Variants in LY96 observed in about 807,000 individuals in gnomAD.
LY96 encodes the protein myeloid differentiation protein-2.
A neutral mutation model predicts 18.9 loss-of-function variants in LY96; 18 were observed. That is an observed-to-expected ratio of 0.95 (90% CI 0.66 to 1.41). The LOEUF (loss-of-function observed/expected upper bound fraction) is 1.41, where lower values mean the gene tolerates loss of function less well. Among genes scored for constraint, LY96 ranks in the 40% most tolerant of loss-of-function variants. The pLI is 0.00. For synonymous variants in LY96, 66 were observed against 62.6 expected, an observed-to-expected ratio of 1.06 and a Z score of -0.26; for missense variants, 175 against 182.4, an observed-to-expected ratio of 0.96 and a Z score of 0.23.
chr8:74,009,974 G>A (rs1470087797), intron 2 of LY96, 27 bp from the exon 3 acceptor site: 4 of 1,538,504 alleles, frequency 2.6e-6, no homozygotes, highest in East Asian at 2.3e-5. Flanking sequence ...ACTATTTGAG[G>A]GCCTAATGGG....
the LY96 span, among the ~76,000 whole-genome samples, chr8:74,069,715 C>T: frequency 5.3e-5 from 8 of 152,090 alleles, no homozygotes; most frequent in Middle Eastern, 3.4e-3. Flanking sequence ...CGATTCTCCC[C>T]TCTCAGCCTC....
the LY96 span, among the ~76,000 whole-genome samples, chr8:74,081,940 G>C: frequency 2.6e-5 from 4 of 152,198 alleles, no homozygotes; most frequent in Non-Finnish European, 5.9e-5. Flanking sequence ...CTAGCCCTTG[G>C]CTGGTGTTTC....
chr8:74,058,981 A>G, the LY96 span, among the ~76,000 whole-genome samples: 2 of 152,214 alleles, frequency 1.3e-5, no homozygotes, highest in African/African-American at 4.8e-5. Flanking sequence ...CAGCTCAAGC[A>G]GTCAAGCAGA....
At chr8:74,042,338 T>A in the LY96 span, among the ~76,000 whole-genome samples, 16 of 152,108 alleles carry the variant, frequency 1.1e-4, no homozygotes, top group Non-Finnish European at 1.6e-4. Context: ...CTGGCCAACA[T>A]GGTGAAACCC....
chr8:74,016,380 C>G (rs147505374), intron 3 of LY96, among the ~76,000 whole-genome samples: 2,521 of 152,324 alleles, frequency 0.017, 69 homozygotes, highest in African/African-American at 0.058. Flanking sequence ...GGGTGGAGCC[C>G]ACCACAGCTC....
chr8:74,001,314 C>T (rs1816261972), intron 1 of LY96, among the ~76,000 whole-genome samples: 1 of 151,534 alleles, frequency 6.6e-6, no homozygotes, highest in African/African-American at 2.4e-5. Flanking sequence ...ACCTCCACCT[C>T]CTGGGTCTGA....
intron 1 of LY96, among the ~76,000 whole-genome samples, chr8:74,003,970 C>T (rs1002349041): frequency 2.0e-5 from 3 of 152,062 alleles, no homozygotes; most frequent in African/African-American, 7.2e-5. Context: ...CCACCTATTC[C>T]ATACTGAGCC....
chr8:74,069,998 G>T, the LY96 span, among the ~76,000 whole-genome samples: 1 of 152,126 alleles, frequency 6.6e-6, no homozygotes, highest in Non-Finnish European at 1.5e-5. Flanking sequence ...TTCTTAGTTG[G>T]CATTCTTCTG....
chr8:74,075,575 GTGGCTTATTT>G, the LY96 span, among the ~76,000 whole-genome samples: 4 of 152,258 alleles, frequency 2.6e-5, no homozygotes, highest in Admixed American at 2.0e-4. Flanking sequence ...CTGGCTTATT[GTGGCTTATTT>G]TGGTGACACC....
the LY96 span, among the ~76,000 whole-genome samples, chr8:74,066,580 GA>G: frequency 1.3e-5 from 2 of 152,120 alleles, no homozygotes; most frequent in Non-Finnish European, 2.9e-5. Context: ...AAATAAAGCT[GA>G]AAAAATAGGT....
At chr8:74,029,130 G>A (rs1013121859), downstream of LY96, 2 of 787,896 alleles carry the variant, frequency 2.5e-6, no homozygotes, top group African/African-American at 1.7e-5. Context: ...GTTTTAATCA[G>A]ATATGGTAGG....
chr8:74,033,280 T>G (rs140910044), downstream of LY96, among the ~76,000 whole-genome samples: 2,178 of 152,002 alleles, frequency 0.014, 33 homozygotes, highest in Non-Finnish European at 0.023. Flanking sequence ...AAGAAAGAAA[T>G]AAAATGAAAA....
At chr8:74,045,390 GCAGA>G in the LY96 span, among the ~76,000 whole-genome samples, 1 of 152,222 alleles carries the variant, frequency 6.6e-6, no homozygotes, top group Non-Finnish European at 1.5e-5. Context: ...CTACTTAACA[GCAGA>G]CAGATTTAGG....
intron 4 of LY96, among the ~76,000 whole-genome samples, chr8:74,027,311 C>CTT (rs546118809): frequency 4.4e-5 from 6 of 135,634 alleles, no homozygotes; most frequent in African/African-American, 1.1e-4. Flanking sequence ...TTAGAATTAG[C>CTT]TTTTTTTTTT....
chr8:74,088,707 T>C, the LY96 span, among the ~76,000 whole-genome samples: 1 of 152,160 alleles, frequency 6.6e-6, no homozygotes, highest in Admixed American at 6.5e-5. Flanking sequence ...TGCCTCAGCC[T>C]CCCAAGTAGC....
chr8:74,076,191 G>T, the LY96 span, among the ~76,000 whole-genome samples: 1 of 151,908 alleles, frequency 6.6e-6, no homozygotes, highest in Admixed American at 6.6e-5. Flanking sequence ...CTCGCAGTTG[G>T]GATGTAGGTT....
chr8:74,049,454 C>T, the LY96 span, among the ~76,000 whole-genome samples: 1 of 152,290 alleles, frequency 6.6e-6, no homozygotes, highest in African/African-American at 2.4e-5. Flanking sequence ...TTATACTTCT[C>T]ATTTTGAGAT....
the LY96 span, among the ~76,000 whole-genome samples, chr8:74,062,176 G>A: frequency 1.3e-5 from 2 of 152,276 alleles, no homozygotes; most frequent in African/African-American, 4.8e-5. Flanking sequence ...ATTAGTAACA[G>A]CAGGTGACAT....
At chr8:74,039,796 G>C in the LY96 span, among the ~76,000 whole-genome samples, 13 of 152,168 alleles carry the variant, frequency 8.5e-5, no homozygotes, top group Non-Finnish European at 1.5e-4. Flanking sequence ...GAGGAACCAG[G>C]AGTACGGGAG....
Sources: gnomAD v4.1 joint callset for allele counts (sites outside exome capture counted in the v4.1 genomes callset) on GRCh38, gnomAD v4.1.1 for gene constraint, MANE v1.5 for transcripts, NCBI Gene and HGNC (gene_info 2026-07-23, HGNC 2026-07-21) for gene names.